Variants in AGFG1 observed in about 807,000 individuals in gnomAD.
AGFG1 encodes the protein arf-GAP domain and FG repeat-containing protein 1.
AGFG1 carries 10 observed loss-of-function variants against 60.6 expected under a neutral mutation model. The observed-to-expected ratio is 0.16, with a 90% CI of 0.10 to 0.28. AGFG1 has a LOEUF of 0.28. Among genes scored for constraint, AGFG1 ranks in the 10% least tolerant of loss-of-function variants. The pLI, the probability that AGFG1 is intolerant of heterozygous loss-of-function variation, is 1.00. For synonymous variants in AGFG1, 247 were observed against 242.9 expected (o/e 1.02, Z -0.16); for missense variants, 537 against 676.5 (o/e 0.79, Z 2.29).
At chr2:227,550,263 G>T (rs1434183158) in intron 10 of AGFG1, among the ~76,000 whole-genome samples, 1 of 152,104 alleles carries the variant, frequency 6.6e-6, no homozygotes, top group Non-Finnish European at 1.5e-5. Context: ...GGATTACATT[G>T]TATTTAAAAT....
intron 12 of AGFG1, 36 bp downstream of exon 12, chr2:227,553,831 G>C: frequency 6.8e-7 from 1 of 1,464,522 alleles, no homozygotes; most frequent in South Asian, 1.2e-5. Flanking sequence ...TTTATAAGTT[G>C]TTAAATCTTA....
At chr2:227,476,999 T>G (rs1310169634) in intron 1 of AGFG1, among the ~76,000 whole-genome samples, 2 of 151,728 alleles carry the variant, frequency 1.3e-5, no homozygotes, top group Admixed American at 1.3e-4. Context: ...TCTCCCGGGT[T>G]CAAGCCATTC....
rs1693088351 is a variant in AGFG1 at position 227,559,938 on chromosome 2, A to AT, written c.*5445dup. On this transcript the variant is annotated 3_prime_UTR_variant, in exon 13 of 13. Coordinates refer to ENST00000310078, the MANE Select transcript of AGFG1 (RefSeq NM_004504.5). ...TAATATATGCTTATGATTTCTAAAA[A>AT]TTATGCAGTATACACAAAGGGCATA... 6.6e-6 allele frequency: 1 copy of AT among 152,180 alleles called. No homozygotes were observed. The highest frequency in any genetic ancestry group is 2.4e-5 in the African/African-American group (1 of 41,456). The allele number at this position is 152,180 out of a possible 1,614,324, so 9.4% of individuals were successfully genotyped here.
At chr2:227,545,647 G>A (rs1047808214) in intron 10 of AGFG1, among the ~76,000 whole-genome samples, 43 of 152,242 alleles carry the variant, frequency 2.8e-4, no homozygotes, top group African/African-American at 1.0e-3. Flanking sequence ...TGGGGTTTTG[G>A]TGTGGGTGTC....
Position 227,519,962 on chromosome 2 carries a change from T to C in AGFG1, c.276T>C (p.Ile92=). The change falls in exon 3 of 13, where the codon ATT becomes ATC. Residue 92 remains isoleucine, a synonymous_variant. Coordinates refer to ENST00000310078, the MANE Select transcript of AGFG1 (RefSeq NM_004504.5). ...TCTTTCCAAAGGTCTGTAAACAGAT[T>C]TGGCTAGGATTATTTGATGATAGAT... ...QKHGNEVCKQ[I]WLGLFDDRSS... 1 of 1,583,784 alleles carries C rather than the reference T, an allele frequency of 6.3e-7. No homozygotes were observed. The highest frequency in any genetic ancestry group is 8.5e-7 in the Non-Finnish European group (1 of 1,169,596).
chr2:227,529,055 T>C lies in AGFG1; in HGVS notation c.695-2036T>C, dbSNP rs549950990. 1.8e-4 allele frequency among the ~76,000 whole-genome samples: 27 copies of C among 152,292 alleles called. No homozygotes were observed. In the South Asian group the frequency reaches 4.8e-3, roughly 27 times the overall value. On this transcript the variant is annotated intron_variant, in intron 5 of 12. Transcript: ENST00000310078. The stretch of plus-strand genomic sequence containing the variant: ...ATGACTGCTCAGATTACCTTTTTTT[T>C]CTTTACTTTATTTGACTTTTGGTTT...
intron 3 of AGFG1, among the ~76,000 whole-genome samples, chr2:227,523,359 G>A (rs565848902): frequency 1.3e-5 from 2 of 152,132 alleles, no homozygotes; most frequent in South Asian, 4.1e-4. Context: ...TATTACAAAT[G>A]TTTTCCTACC....
intron 3 of AGFG1, 85 bp from the exon 4 acceptor site, chr2:227,523,678 G>T (rs7606276): frequency 3.0e-5 from 39 of 1,307,394 alleles, no homozygotes; most frequent in Non-Finnish European, 3.5e-5. Flanking sequence ...AAACAATCTT[G>T]TACAAAGTTA....
rs150841680 is a variant in AGFG1 at position 227,525,110 on chromosome 2, G to A, written c.694+195G>A. On this transcript the variant is annotated intron_variant, in intron 5 of 12. Transcript: ENST00000310078. ...CACAGAAGAGATTATATTTAATGTCGGTTGGCATGACCTCTTTCCGTGGAA... is the reference window on the plus strand; with the variant it reads ...CACAGAAGAGATTATATTTAATGTCAGTTGGCATGACCTCTTTCCGTGGAA... Among the ~76,000 whole-genome samples, 75 of 152,094 alleles carry A rather than the reference G, an allele frequency of 4.9e-4. 1 individual carries two copies. The highest frequency in any genetic ancestry group is 1.6e-3 in the African/African-American group (67 of 41,496).
At chr2:227,532,090 T>G in intron 6 of AGFG1, 3 of 1,443,650 alleles carry the variant, frequency 2.1e-6, no homozygotes, top group Non-Finnish European at 2.8e-6. Context: ...ATTTTCTTTT[T>G]TGTTTTTTCT....
chr2:227,515,332 A>G (rs1397754856), intron 2 of AGFG1, among the ~76,000 whole-genome samples: 1 of 152,086 alleles, frequency 6.6e-6, no homozygotes, highest in East Asian at 1.9e-4. Flanking sequence ...ACCTCCAGTG[A>G]TCCTTCATAC....
intron 2 of AGFG1, among the ~76,000 whole-genome samples, chr2:227,500,879 G>A (rs1452802301): frequency 1.3e-5 from 2 of 151,826 alleles, no homozygotes; most frequent in Non-Finnish European, 2.9e-5. Context: ...TGCAACCACT[G>A]CCTCCCAGGT....
intron 2 of AGFG1, among the ~76,000 whole-genome samples, chr2:227,517,285 G>C (rs1282887221): frequency 6.6e-6 from 1 of 152,180 alleles, no homozygotes; most frequent in Non-Finnish European, 1.5e-5. Flanking sequence ...TAGACAGACA[G>C]ACACGGAGTC....
At chr2:227,500,767 T>C (rs1229752626) in intron 2 of AGFG1, among the ~76,000 whole-genome samples, 1 of 152,140 alleles carries the variant, frequency 6.6e-6, no homozygotes, top group Middle Eastern at 3.2e-3. Context: ...TCTATCTTTT[T>C]TATTTTTAAA....
chr2:227,472,725 G>A (rs1371731773), intron 1 of AGFG1, 137 bp downstream of exon 1: 4 of 1,012,386 alleles, frequency 4.0e-6, no homozygotes, highest in Non-Finnish European at 5.2e-6. Flanking sequence ...TTGGGCGCCG[G>A]CTGGCGGGCG....
At chr2:227,499,529 A>G (rs1422480989) in intron 2 of AGFG1, among the ~76,000 whole-genome samples, 2 of 151,724 alleles carry the variant, frequency 1.3e-5, no homozygotes, top group Non-Finnish European at 2.9e-5. Context: ...AATCCCAACT[A>G]CTCTGGAGGC....
intron 1 of AGFG1, among the ~76,000 whole-genome samples, chr2:227,474,700 T>A (rs1323267717): frequency 6.6e-6 from 1 of 152,220 alleles, no homozygotes; most frequent in East Asian, 1.9e-4. Context: ...CCAGGAAATA[T>A]GTAAATGATA....
intron 3 of AGFG1, among the ~76,000 whole-genome samples, chr2:227,522,161 G>C (rs534486403): frequency 2.6e-5 from 4 of 152,270 alleles, no homozygotes; most frequent in Middle Eastern, 3.4e-3. Flanking sequence ...ATCACTTTCT[G>C]TGTTATACTA....
chr2:227,551,828 G>A (rs1692830113), intron 10 of AGFG1, 131 bp from the exon 11 acceptor site: 22 of 1,091,018 alleles, frequency 2.0e-5, no homozygotes, highest in Non-Finnish European at 2.8e-5. Context: ...TTGGAATTTT[G>A]GAATTAACCC....
Sources: gnomAD v4.1 joint callset for allele counts (sites outside exome capture counted in the v4.1 genomes callset) on GRCh38, gnomAD v4.1.1 for gene constraint, MANE v1.5 for transcripts, NCBI Gene and HGNC (gene_info 2026-07-23, HGNC 2026-07-21) for gene names.